KIAA1549L: variants seen among roughly 807,000 people sequenced by gnomAD.
KIAA1549L encodes UPF0606 protein KIAA1549L.
In KIAA1549L, 88 loss-of-function variants were observed where a neutral mutation model predicts 160.7. That is an observed-to-expected ratio of 0.55 (90% CI 0.46 to 0.65). KIAA1549L has a LOEUF of 0.65. Among genes scored for constraint, KIAA1549L ranks in the 30% least tolerant of loss-of-function variants. KIAA1549L has a pLI of 0.00. For missense variants in KIAA1549L, 2,258 were observed against 2,437.5 expected (o/e 0.93, Z 1.55); for synonymous variants, 950 against 976.7 (o/e 0.97, Z 0.51).
At chr11:33,608,960 A>C (rs1321583752) in intron 14 of KIAA1549L, among the ~76,000 whole-genome samples, 2 of 152,258 alleles carry the variant, frequency 1.3e-5, no homozygotes, top group Non-Finnish European at 2.9e-5. Context: ...CATTCTTTTA[A>C]AGATTATTTT....
intron 12 of KIAA1549L, among the ~76,000 whole-genome samples, chr11:33,594,017 A>T (rs1030862065): frequency 3.9e-5 from 6 of 152,144 alleles, no homozygotes; most frequent in African/African-American, 1.4e-4. Flanking sequence ...AAGAAAAAGG[A>T]ATAGTGTCAG....
chr11:33,430,041 T>TTCCTTCCTCCCTTCCTC (rs1554976200), intron 1 of KIAA1549L, among the ~76,000 whole-genome samples: 6,014 of 140,456 alleles, frequency 0.043, 218 homozygotes, highest in East Asian at 0.15. Context: ...CTTCCTTCCT[T>TTCCTTCCTCCCTTCCTC]CCTTCCTCCC....
chr11:33,404,254 G>A (rs996397875), intron 1 of KIAA1549L, among the ~76,000 whole-genome samples: 8 of 152,220 alleles, frequency 5.3e-5, no homozygotes, highest in African/African-American at 1.9e-4. Flanking sequence ...GCCAGGCACA[G>A]TGGCTCATGT....
chr11:33,651,477 C>A (rs1341072421), intron 17 of KIAA1549L, among the ~76,000 whole-genome samples: 1 of 111,578 alleles, frequency 9.0e-6, no homozygotes, highest in African/African-American at 4.6e-5. Flanking sequence ...CTTGTGCCCT[C>A]CTCAGTCTTT....
intron 1 of KIAA1549L, among the ~76,000 whole-genome samples, chr11:33,405,007 C>CAAA (rs35549544): frequency 2.0e-4 from 22 of 109,152 alleles, no homozygotes; most frequent in East Asian, 5.4e-4. Context: ...GACTCTGTCT[C>CAAA]AAAAAAAAAA....
At chr11:33,496,216 G>A (rs1031975174) in intron 1 of KIAA1549L, among the ~76,000 whole-genome samples, 2 of 152,044 alleles carry the variant, frequency 1.3e-5, no homozygotes, top group Non-Finnish European at 1.5e-5. Flanking sequence ...CACCTGCCTC[G>A]GCCTCCCAAA....
In KIAA1549L at chr11:33,543,073, A is replaced by G. The variant is rs781285544; in HGVS notation, c.1510A>G (p.Ile504Val). ...PSTGTADFPS[I>V]LTFLQPTENH... ...AACTGGGACAGCCGACTTTCCCTCC[A>G]TACTTACTTTCCTCCAGCCCACAGA... The change falls in exon 2 of 21, where the codon ATA becomes GTA. Residue 504 changes from isoleucine to valine, a missense_variant. Ile to Val is a conservative substitution (Grantham distance 29, BLOSUM62 3). Coordinates refer to ENST00000658780, the MANE Select transcript of KIAA1549L (RefSeq NM_012194.3). 5.6e-6 allele frequency: 9 copies of G among 1,613,738 alleles called. No homozygotes were observed. Among genetic ancestry groups the G allele is most frequent in the Admixed American group, 1.7e-5 (1 of 59,998 alleles).
intron 1 of KIAA1549L, among the ~76,000 whole-genome samples, chr11:33,475,256 A>T (rs879581882): frequency 3.9e-5 from 6 of 152,118 alleles, no homozygotes; most frequent in Non-Finnish European, 8.8e-5. Context: ...TAGTGTATGG[A>T]TGCATATTTA....
intron 1 of KIAA1549L, among the ~76,000 whole-genome samples, chr11:33,390,974 C>T (rs1037373873): frequency 2.0e-5 from 3 of 152,178 alleles, no homozygotes; most frequent in African/African-American, 7.2e-5. Flanking sequence ...ACAGTAGGTG[C>T]ACGATGTCTC....
intron 17 of KIAA1549L, among the ~76,000 whole-genome samples, chr11:33,646,831 C>T (rs1252732530): frequency 6.6e-6 from 1 of 152,094 alleles, no homozygotes; most frequent in Non-Finnish European, 1.5e-5. Context: ...TCCTTTGCCT[C>T]CCTGAACACA....
chr11:33,605,601 CT>C (rs1244693907), intron 13 of KIAA1549L, among the ~76,000 whole-genome samples: 2 of 152,162 alleles, frequency 1.3e-5, no homozygotes, highest in African/African-American at 4.8e-5. Flanking sequence ...GACAAATCTT[CT>C]GTGATTATGA....
intron 1 of KIAA1549L, among the ~76,000 whole-genome samples, chr11:33,399,765 C>T (rs1010791670): frequency 1.3e-5 from 2 of 152,212 alleles, no homozygotes; most frequent in African/African-American, 2.4e-5. Flanking sequence ...CTTCCCAAAC[C>T]TTGGAAATGG....
At chr11:33,641,792 C>CA (rs1443533030) in intron 16 of KIAA1549L, among the ~76,000 whole-genome samples, 5 of 151,406 alleles carry the variant, frequency 3.3e-5, no homozygotes, top group African/African-American at 1.2e-4. Context: ...CTTATAAGGA[C>CA]AAAAAGAGCC....
intron 17 of KIAA1549L, among the ~76,000 whole-genome samples, chr11:33,649,670 C>T (rs1341520850): frequency 6.6e-6 from 1 of 151,496 alleles, no homozygotes; most frequent in Non-Finnish European, 1.5e-5. Context: ...CAAACAACTC[C>T]CCCCAAGCCT....
chr11:33,646,448 T>A (rs1190290795), intron 17 of KIAA1549L, among the ~76,000 whole-genome samples: 1 of 152,222 alleles, frequency 6.6e-6, no homozygotes, highest in East Asian at 1.9e-4. Context: ...TTGAGCCAGA[T>A]GGCTCGAATT....
intron 1 of KIAA1549L, chr11:33,403,245 GCA>G (rs1850542666): frequency 1.8e-4 from 2 of 10,946 alleles, no homozygotes; most frequent in African/African-American, 5.2e-4. Context: ...ACACACATAT[GCA>G]GACACACACA....
chr11:33,631,307 C>T (rs1411784684), intron 16 of KIAA1549L, among the ~76,000 whole-genome samples: 1 of 152,218 alleles, frequency 6.6e-6, no homozygotes, highest in Non-Finnish European at 1.5e-5. Flanking sequence ...ACCCCCTTGG[C>T]TCCAGCCTGA....
Position 33,598,905 on chromosome 11 carries a change from G to A in KIAA1549L, c.4837G>A (p.Ala1613Thr), listed in dbSNP as rs373916753. Residue 1613 changes from alanine (A) to threonine (T), a missense_variant, in exon 13 of 21, where the codon GCA (alanine) becomes ACA (threonine). Ala to Thr is a moderately conservative substitution (Grantham distance 58). Around this residue, in one of 6 missense-constraint regions of KIAA1549L, gnomAD observed 1,359 missense variants for 1,546.6 expected, o/e 0.88. Transcript: ENST00000658780. ...SGRRSPQNVM[A>T]QQKVTKEEAR... ...GAGACGCTCACCCCAGAATGTAATGGCACAGCAGAAAGTGACAAAGGAGGA... is the reference window on the plus strand; with the variant it reads ...GAGACGCTCACCCCAGAATGTAATGACACAGCAGAAAGTGACAAAGGAGGA... 2 of 1,613,814 alleles carry A rather than the reference G, an allele frequency of 1.2e-6. No homozygotes were observed. The highest frequency in any genetic ancestry group is 1.7e-6 in the Non-Finnish European group (2 of 1,179,810).
At chr11:33,475,616 G>A (rs1852268705) in intron 1 of KIAA1549L, among the ~76,000 whole-genome samples, 1 of 151,244 alleles carries the variant, frequency 6.6e-6, no homozygotes, top group Non-Finnish European at 1.5e-5. Flanking sequence ...ACCTTAGGAG[G>A]CAGAGGCAGG....
Sources: gnomAD v4.1 joint callset for allele counts (sites outside exome capture counted in the v4.1 genomes callset) on GRCh38, gnomAD v4.1.1 for gene constraint, gnomAD v4.1.1 regional missense constraint, MANE v1.5 for transcripts, NCBI Gene and HGNC (gene_info 2026-07-23, HGNC 2026-07-21) for gene names.